The following NLRP4 variants were observed in gnomAD, a reference collection of about 807,000 sequenced individuals.
NLRP4 encodes NACHT, LRR and PYD domains-containing protein 4.
A neutral mutation model predicts 84.7 loss-of-function variants in NLRP4; 44 were observed. That is an observed-to-expected ratio of 0.52 (90% CI 0.41 to 0.67). NLRP4 has a LOEUF of 0.67. Among genes scored for constraint, NLRP4 ranks in the 30% least tolerant of loss-of-function variants. The pLI is 0.00. For synonymous variants in NLRP4, 544 were observed against 476.4 expected (o/e 1.14, Z -1.85); for missense variants, 1,260 against 1,219.4 (o/e 1.03, Z -0.50).
At chr19:55,841,139 G>T (rs1211115197) in intron 1 of NLRP4, among the ~76,000 whole-genome samples, 2 of 152,148 alleles carry the variant, frequency 1.3e-5, no homozygotes, top group Non-Finnish European at 2.9e-5. Context: ...TTTCTTTGTA[G>T]TGATACTCAA....
chr19:55,881,668 G>T lies in NLRP4; in HGVS notation c.*81G>T. The T allele has an allele frequency of 1.5e-6, 1 of 674,092 alleles. No individual in the cohort carries two copies. The allele number at this position is 674,092 out of a possible 1,614,324, so 41.8% of individuals were successfully genotyped here. On this transcript the variant is annotated 3_prime_UTR_variant, in exon 10 of 10. Transcript: ENST00000301295. ...GTTACTTACATGACACTGCACCCAGGAGATACAAATCATTGATACTCTGAG... is the reference window on the plus strand; with the variant it reads ...GTTACTTACATGACACTGCACCCAGTAGATACAAATCATTGATACTCTGAG...
At chr19:55,849,724 T>C (rs1333892535) in intron 1 of NLRP4, among the ~76,000 whole-genome samples, 2 of 152,262 alleles carry the variant, frequency 1.3e-5, no homozygotes, top group Non-Finnish European at 2.9e-5. Flanking sequence ...GTAATTTCTA[T>C]ATTTACAGTG....
At chr19:55,859,929 A>AG (rs1984661320) in intron 3 of NLRP4, among the ~76,000 whole-genome samples, 1 of 113,220 alleles carries the variant, frequency 8.8e-6, no homozygotes. Context: ...TCATCTCCAA[A>AG]AAAAAAAAAA....
At chr19:55,849,671 A>G (rs181727118) in intron 1 of NLRP4, among the ~76,000 whole-genome samples, 3 of 152,382 alleles carry the variant, frequency 2.0e-5, no homozygotes, top group East Asian at 1.9e-4. Context: ...TGAGTTGGCT[A>G]CATTTGTGGG....
intron 5 of NLRP4, among the ~76,000 whole-genome samples, chr19:55,863,607 T>A (rs985099425): frequency 1.3e-5 from 2 of 151,996 alleles, no homozygotes; most frequent in Non-Finnish European, 2.9e-5. Flanking sequence ...AGGCCCCTCC[T>A]CCAACACTGG....
chr19:55,880,634 A>G (rs1440053812), intron 9 of NLRP4, among the ~76,000 whole-genome samples: 1 of 152,214 alleles, frequency 6.6e-6, no homozygotes. Flanking sequence ...GCTTACCCCA[A>G]CAGTGTGGGA....
chr19:55,869,810 T>G (rs886928465), intron 6 of NLRP4, among the ~76,000 whole-genome samples: 1 of 151,512 alleles, frequency 6.6e-6, no homozygotes, highest in Non-Finnish European at 1.5e-5. Flanking sequence ...ATAAACTGGC[T>G]GGGATTGGAG....
At chr19:55,857,324 A>AGTGTGTGTGT (rs1568663632) in intron 2 of NLRP4, 20 of 221,134 alleles carry the variant, frequency 9.0e-5, no homozygotes, top group Non-Finnish European at 1.5e-4. Context: ...AGTAGCAATG[A>AGTGTGTGTGT]ATGTGTGTGT....
Position 55,858,308 on chromosome 19 carries a change from T to C in NLRP4, c.915T>C (p.Ser305=), listed in dbSNP as rs993725915. 166 of 1,613,480 alleles carry C rather than the reference T, an allele frequency of 1.0e-4. No homozygotes were observed. The highest frequency in any genetic ancestry group is 1.4e-4 in the Non-Finnish European group (164 of 1,179,924). Reference sequence around the variant, plus strand: ...ACCAGCCCCGGGGATTCAACGAGAGTGATAGGTTAGTGTATTTCTGCTGTT... The same window carrying C: ...ACCAGCCCCGGGGATTCAACGAGAGCGATAGGTTAGTGTATTTCTGCTGTT... The part of the protein sequence containing the change: ...EIYQPRGFNE[S]DRLVYFCCFF... The change falls in exon 3 of 10, where the codon AGT becomes AGC. Residue 305 remains serine (S), a synonymous_variant. Coordinates refer to ENST00000301295, the MANE Select transcript of NLRP4 (RefSeq NM_134444.5). This position sits in a 1 kb window ranked among gnomAD's most constrained non-coding sequence, Gnocchi z 4.2.
chr19:55,840,344 A>ATGTGTGTGTGTGTGTG (rs762148583), intron 1 of NLRP4, among the ~76,000 whole-genome samples: 18 of 119,720 alleles, frequency 1.5e-4, no homozygotes, highest in African/African-American at 5.2e-4. Context: ...GTGTATGTGT[A>ATGTGTGTGTGTGTGTG]TGTGTGTGTG....
Position 55,840,279 on chromosome 19 carries a change from C to A in NLRP4, c.-66+3345C>A, listed in dbSNP as rs184003834. Among the ~76,000 whole-genome samples, 12 of 151,514 alleles carry A rather than the reference C, an allele frequency of 7.9e-5. No individual in the cohort carries two copies. In the East Asian group the frequency reaches 1.5e-3, roughly 20 times the overall value. The stretch of plus-strand genomic sequence containing the variant: ...ATATCCTGCTATGATTAGGGACTTA[C>A]CTAATTCTCCTTATGGTGCTGACCA... On this transcript the variant is annotated intron_variant, in intron 1 of 9. Coordinates refer to ENST00000301295, the MANE Select transcript of NLRP4 (RefSeq NM_134444.5).
intron 1 of NLRP4, among the ~76,000 whole-genome samples, chr19:55,841,280 G>C (rs571273663): frequency 1.3e-5 from 2 of 152,190 alleles, no homozygotes; most frequent in African/African-American, 4.8e-5. Flanking sequence ...CTGGTCTCCC[G>C]TTACTCTCCC....
rs16986718 is a variant in NLRP4 at position 55,857,948 on chromosome 19, G to A, written c.555G>A (p.Thr185=). The change falls in exon 3 of 10, where the codon ACG becomes ACA. Residue 185 remains threonine (T), a synonymous_variant. Coordinates refer to ENST00000301295, the MANE Select transcript of NLRP4 (RefSeq NM_134444.5). ...NKIFRDRFLY[T]FYFCCRELRE... ...TCTTTCGGGATAGGTTCCTGTACACGTTCTATTTCTGCTGCAGAGAACTGA... is the reference window on the plus strand; with the variant it reads ...TCTTTCGGGATAGGTTCCTGTACACATTCTATTTCTGCTGCAGAGAACTGA... The A allele has an allele frequency of 0.25, 403,952 of 1,613,606 alleles. 52,131 individuals carry two copies. Among genetic ancestry groups the A allele is most frequent in the African/African-American group, 0.32 (23,904 of 74,936 alleles).
In NLRP4 at chr19:55,881,534, C is replaced by T. The variant is rs780315154; in HGVS notation, c.2932C>T (p.Pro978Ser). 1 of 1,610,284 alleles carries T rather than the reference C, an allele frequency of 6.2e-7. No homozygotes were observed. Among genetic ancestry groups the T allele is most frequent in the East Asian group, 2.2e-5 (1 of 44,862 alleles). The change falls in exon 10 of 10, where the codon CCT becomes TCT. Residue 978 changes from proline (P) to serine (S), a missense_variant. Coordinates refer to ENST00000301295, the MANE Select transcript of NLRP4 (RefSeq NM_134444.5). Reference sequence around the variant, plus strand: ...TCTGACGGCTGAGGAAGAGAGAAATCCTAACCTGACCATCACAGACGACTG... The same window carrying T: ...TCTGACGGCTGAGGAAGAGAGAAATTCTAACCTGACCATCACAGACGACTG... ...ALLTAEEERNPNLTITDDCDT... is the reference protein window; with the variant it reads ...ALLTAEEERNSNLTITDDCDT...
chr19:55,845,070 CA>C (rs1430904442), intron 1 of NLRP4, among the ~76,000 whole-genome samples: 2 of 151,866 alleles, frequency 1.3e-5, no homozygotes, highest in Non-Finnish European at 2.9e-5. Context: ...TACATGTGCA[CA>C]ACGTGCAGGT....
intron 1 of NLRP4, among the ~76,000 whole-genome samples, chr19:55,845,573 C>A (rs1375188197): frequency 6.6e-6 from 1 of 151,986 alleles, no homozygotes; most frequent in Non-Finnish European, 1.5e-5. Context: ...AATGGTATTT[C>A]TAGTTCTAGA....
At chr19:55,848,466 C>T (rs746244115) in intron 1 of NLRP4, among the ~76,000 whole-genome samples, 6 of 151,964 alleles carry the variant, frequency 3.9e-5, no homozygotes, top group Admixed American at 6.6e-5. Flanking sequence ...TGCAGTGGCA[C>T]GATCTCGGCT....
At chr19:55,870,170 C>T (rs1169394600) in intron 6 of NLRP4, among the ~76,000 whole-genome samples, 2 of 152,106 alleles carry the variant, frequency 1.3e-5, no homozygotes, top group African/African-American at 2.4e-5. Context: ...GGATTCTACA[C>T]ATGAGGTAAT....
At chr19:55,860,038 T>C (rs1341233735) in intron 3 of NLRP4, among the ~76,000 whole-genome samples, 1 of 142,526 alleles carries the variant, frequency 7.0e-6, no homozygotes, top group Non-Finnish European at 1.5e-5. Flanking sequence ...CAGGCTGGAG[T>C]GCAGTGGCGA....
Sources: allele counts gnomAD v4.1 joint callset (sites outside exome capture counted in the v4.1 genomes callset), GRCh38; gene constraint gnomAD v4.1.1; non-coding constraint Gnocchi (gnomAD v3.1); transcripts MANE v1.5; gene names NCBI Gene and HGNC (gene_info 2026-07-23, HGNC 2026-07-21).